Variants in RNF130 observed in about 807,000 individuals in gnomAD.
The protein encoded by RNF130 is E3 ubiquitin-protein ligase RNF130.
In RNF130, 21 loss-of-function variants were observed where a neutral mutation model predicts 44.6. The observed-to-expected ratio is 0.47, with a 90% CI of 0.33 to 0.68. RNF130 has a LOEUF of 0.68. Ranked by LOEUF, RNF130 falls within the 30% of genes least tolerant of loss-of-function variation. The probability of loss-of-function intolerance (pLI) is 0.02; values close to 1 mark genes in which losing one functional copy is unlikely to be tolerated. For missense variants in RNF130, 479 were observed against 560.6 expected (o/e 0.85, Z 1.47); for synonymous variants, 214 against 210.4 (o/e 1.02, Z -0.15).
At chr5:179,971,831 G>C (rs1280976359) in intron 5 of RNF130, among the ~76,000 whole-genome samples, 1 of 152,172 alleles carries the variant, frequency 6.6e-6, no homozygotes, top group South Asian at 2.1e-4. Context: ...CTGGGATCTG[G>C]AACAAACATT....
At chr5:180,029,852 C>CCT (rs1554105716) in intron 2 of RNF130, among the ~76,000 whole-genome samples, 1 of 144,300 alleles carries the variant, frequency 6.9e-6, no homozygotes, top group Admixed American at 6.9e-5. Flanking sequence ...CTATCCACCT[C>CCT]TTTTTTTTTT....
chr5:180,044,901 T>C (rs753193796), intron 1 of RNF130, among the ~76,000 whole-genome samples: 1 of 151,772 alleles, frequency 6.6e-6, no homozygotes, highest in Non-Finnish European at 1.5e-5. Flanking sequence ...AAGCTGACGT[T>C]AGAGGGTGCC....
At chr5:180,056,445 G>A (rs1201550265) in intron 1 of RNF130, among the ~76,000 whole-genome samples, 1 of 152,140 alleles carries the variant, frequency 6.6e-6, no homozygotes. Flanking sequence ...GAGATATTTA[G>A]GAGTTTGGAT....
At chr5:180,045,518 G>A (rs779777810) in intron 1 of RNF130, among the ~76,000 whole-genome samples, 19 of 152,174 alleles carry the variant, frequency 1.2e-4, no homozygotes, top group African/African-American at 2.4e-4. Context: ...CCCACAGCGC[G>A]GAAGTGGACC....
Position 180,016,052 on chromosome 5 carries a change from G to A in RNF130, c.443-2741C>T, listed in dbSNP as rs568027542. On this transcript the variant is annotated intron_variant, in intron 2 of 8. Transcript: ENST00000521389. Reference sequence around the variant, plus strand: ...TTTGGACTAGGAAGAGAAGCCGCTCGCGGTGGCGTCATTACACCAGCACAG... The same window carrying A: ...TTTGGACTAGGAAGAGAAGCCGCTCACGGTGGCGTCATTACACCAGCACAG... Among the ~76,000 whole-genome samples the A allele has an allele frequency of 9.9e-5, 15 of 152,276 alleles. No homozygotes were observed. The East Asian group carries it at 2.5e-3, about 26-fold the overall frequency.
At chr5:179,952,595 TCAGCAAAATACTAACAAACTAAATC>T (rs1762143511), downstream of RNF130, among the ~76,000 whole-genome samples, 2 of 152,186 alleles carry the variant, frequency 1.3e-5, no homozygotes, top group Non-Finnish European at 1.5e-5. Flanking sequence ...GCAAAAATCC[TCAGCAAAATACTAACAAACTAAATC>T]CAGCAAATAT....
chr5:179,983,703 T>G (rs1186959626), intron 3 of RNF130, among the ~76,000 whole-genome samples: 1 of 152,232 alleles, frequency 6.6e-6, no homozygotes, highest in Non-Finnish European at 1.5e-5. Context: ...AATGAGATTG[T>G]GCTGAATGTA....
intron 2 of RNF130, among the ~76,000 whole-genome samples, chr5:180,014,442 G>C (rs1024286651): frequency 2.0e-5 from 3 of 152,108 alleles, no homozygotes; most frequent in Admixed American, 2.0e-4. Flanking sequence ...GTCATTAGAA[G>C]GGAAATAAAT....
intron 3 of RNF130, among the ~76,000 whole-genome samples, chr5:179,997,198 G>C (rs936592157): frequency 1.3e-5 from 2 of 152,034 alleles, no homozygotes; most frequent in African/African-American, 4.8e-5. Flanking sequence ...CTGGAGTGCA[G>C]TGGCGTGATC....
chr5:179,916,339 A>G (rs1315102169), exon 8 of RNF130: 1 of 152,112 alleles, frequency 6.6e-6, no homozygotes. Context: ...GTGCCACTGC[A>G]CTCCTGCCTG....
At chr5:179,975,450 G>A (rs1561676766) in intron 5 of RNF130, among the ~76,000 whole-genome samples, 3 of 152,242 alleles carry the variant, frequency 2.0e-5, no homozygotes, top group Admixed American at 1.3e-4. Flanking sequence ...TGTCAACAGT[G>A]CCAAGGCTGA....
intron 3 of RNF130, among the ~76,000 whole-genome samples, chr5:179,993,559 T>G (rs930031916): frequency 6.6e-6 from 1 of 151,522 alleles, no homozygotes; most frequent in Non-Finnish European, 1.5e-5. Context: ...TTGCCCACTT[T>G]TTGATGGGGT....
At position 180,017,511 on chromosome 5, in the gene RNF130, C is replaced by A. The variant is rs77069807; in HGVS notation, c.443-4200G>T. Among the ~76,000 whole-genome samples the A allele has an allele frequency of 6.9e-3, 1,057 of 152,282 alleles. 12 individuals carry two copies. The highest frequency in any genetic ancestry group is 0.012 in the Non-Finnish European group (809 of 68,030). On this transcript the variant is annotated intron_variant, in intron 2 of 8. Transcript: ENST00000521389. ...CACTGGTGTTTGCCTGAATCTGTTA[C>A]GACAATGGTATTTGTAAAATTCTAA...
At chr5:179,974,594 G>C (rs764560037) in intron 5 of RNF130, among the ~76,000 whole-genome samples, 1 of 152,244 alleles carries the variant, frequency 6.6e-6, no homozygotes, top group Admixed American at 6.5e-5. Context: ...GAATCGTTAA[G>C]GAAAGATGGA....
intron 3 of RNF130, among the ~76,000 whole-genome samples, chr5:179,991,252 A>C (rs770947099): frequency 6.6e-6 from 1 of 152,184 alleles, no homozygotes; most frequent in Non-Finnish European, 1.5e-5. Flanking sequence ...CTTCACACTG[A>C]CTTTAAGCAA....
intron 3 of RNF130, among the ~76,000 whole-genome samples, chr5:179,999,492 CG>C (rs1346301186): frequency 6.6e-6 from 1 of 151,974 alleles, no homozygotes; most frequent in African/African-American, 2.4e-5. Flanking sequence ...GAAACCAAGA[CG>C]GGCGGATCAC....
chr5:180,026,539 A>G (rs1285907978), intron 2 of RNF130, among the ~76,000 whole-genome samples: 1 of 152,214 alleles, frequency 6.6e-6, no homozygotes, highest in Non-Finnish European at 1.5e-5. Flanking sequence ...TTTCCTGTCA[A>G]TGACGTCATG....
Position 179,966,934 on chromosome 5 carries a change from G to A in RNF130, c.1022C>T (p.Ser341Leu). ...LTRTQAVNRR[S>L]ALGDLAGDNS... ...GTCGCCGGCGAGGTCGCCGAGGGCTGATCTTCGGTTAACAGCTTGGGTTCT... is the reference window on the plus strand; with the variant it reads ...GTCGCCGGCGAGGTCGCCGAGGGCTAATCTTCGGTTAACAGCTTGGGTTCT... The change falls in exon 7 of 9, where the codon TCA becomes TTA. Residue 341 changes from serine to leucine, a missense_variant. By Grantham distance (145) the Ser-to-Leu change is moderately radical. Coordinates refer to ENST00000521389, the MANE Select transcript of RNF130 (RefSeq NM_018434.6). 1 of 1,614,250 alleles carries A rather than the reference G, an allele frequency of 6.2e-7. No homozygotes were observed. Among genetic ancestry groups the A allele is most frequent in the Non-Finnish European group, 8.5e-7 (1 of 1,180,044 alleles).
intron 1 of RNF130, among the ~76,000 whole-genome samples, chr5:180,043,593 T>C (rs1296832122): frequency 1.3e-5 from 2 of 152,102 alleles, no homozygotes; most frequent in East Asian, 1.9e-4. Context: ...AGTTCAGTAA[T>C]ATTCATAATA....
Sources: allele counts gnomAD v4.1 joint callset (sites outside exome capture counted in the v4.1 genomes callset), GRCh38; gene constraint gnomAD v4.1.1; transcripts MANE v1.5; gene names NCBI Gene and HGNC (gene_info 2026-07-23, HGNC 2026-07-21).